LRMDA: variants seen among roughly 807,000 people sequenced by gnomAD.
The protein encoded by LRMDA is leucine rich melanocyte differentiation associated, also known as leucine-rich melanocyte differentiation-associated protein.
A neutral mutation model predicts 29.8 loss-of-function variants in LRMDA; 18 were observed. The ratio of observed to expected loss-of-function variants is 0.60; its 90% CI spans 0.42 to 0.90. The LOEUF (loss-of-function observed/expected upper bound fraction) is 0.90, where lower values mean the gene tolerates loss of function less well. Ranked by LOEUF, LRMDA falls within the 40% of genes least tolerant of loss-of-function variation. LRMDA has a pLI of 0.00. For missense variants in LRMDA, 273 were observed against 273.9 expected (o/e 1.00, Z 0.02); for synonymous variants, 125 against 109.4 (o/e 1.14, Z -0.89).
intron 2 of LRMDA, among the ~76,000 whole-genome samples, chr10:75,574,252 C>G (rs542996611): frequency 6.6e-6 from 1 of 152,118 alleles, no homozygotes; most frequent in Non-Finnish European, 1.5e-5. Flanking sequence ...GTCTTCTTTT[C>G]CCACTTACTT....
At chr10:75,510,825 T>G (rs1845216983) in intron 2 of LRMDA, among the ~76,000 whole-genome samples, 1 of 152,062 alleles carries the variant, frequency 6.6e-6, no homozygotes, top group Non-Finnish European at 1.5e-5. Context: ...GCTGGCCTAG[T>G]CCCTGAGGCA....
Position 75,713,157 on chromosome 10 carries a change from A to G in LRMDA, c.131+274663A>G, listed in dbSNP as rs539683953. Among the ~76,000 whole-genome samples, 8 of 152,292 alleles carry G rather than the reference A, an allele frequency of 5.3e-5. No homozygotes were observed. The South Asian group carries it at 1.7e-3, about 32-fold the overall frequency. ...AGTGACTCAATATTTAATCTGTAAC[A>G]TTTTACTTTAAGGTAGGAGATGTGT... On this transcript the variant is annotated intron_variant, in intron 2 of 6. Coordinates refer to ENST00000611255, the MANE Select transcript of LRMDA (RefSeq NM_001305581.2).
intron 6 of LRMDA, among the ~76,000 whole-genome samples, chr10:76,394,446 T>C (rs1009501231): frequency 2.6e-5 from 4 of 152,186 alleles, no homozygotes; most frequent in African/African-American, 9.7e-5. Flanking sequence ...AAGATGAAAA[T>C]TGACCTTATA....
In LRMDA at chr10:76,301,224, A is replaced by G. The variant is rs1364692455; in HGVS notation, c.517-23177A>G. 2.0e-5 allele frequency among the ~76,000 whole-genome samples: 3 copies of G among 152,246 alleles called. No individual in the cohort carries two copies. In the East Asian group the frequency reaches 5.8e-4, roughly 29 times the overall value. On this transcript the variant is annotated intron_variant, in intron 5 of 6. Transcript: ENST00000611255. ...AGTTACCATTATCCTTGTCAGTGAA[A>G]TTAGAGCATGTTTCTAATCAGTATC...
At chr10:76,227,051 C>T (rs1446826332) in intron 5 of LRMDA, among the ~76,000 whole-genome samples, 2 of 152,222 alleles carry the variant, frequency 1.3e-5, no homozygotes, top group African/African-American at 4.8e-5. Flanking sequence ...CAAAGTGCCT[C>T]TACCTGTTAT....
Position 76,363,218 on chromosome 10 carries a change from A to T in LRMDA, c.601+38733A>T, listed in dbSNP as rs796524517. Among the ~76,000 whole-genome samples, 2 of 12,438 alleles carry T rather than the reference A, an allele frequency of 1.6e-4. 1 individual carries two copies. The allele number at this position is 12,438 out of a possible 152,430, so 8.2% of individuals were successfully genotyped here. A position where few individuals can be genotyped will look rare whatever the true frequency, so the allele number is the denominator to read the frequency against. ...GGAGGGAGGGAGGGAGGGAAGGAAG[A>T]GAAAGAAAGAAAGAAAGAAAGAAAG... On this transcript the variant is annotated intron_variant, in intron 6 of 6. Transcript: ENST00000611255.
intron 6 of LRMDA, among the ~76,000 whole-genome samples, chr10:76,401,304 A>C (rs1252940963): frequency 6.6e-6 from 1 of 152,176 alleles, no homozygotes; most frequent in Non-Finnish European, 1.5e-5. Flanking sequence ...TTGTGGAACT[A>C]TTCGTTTATT....
At chr10:75,504,124 C>T (rs936734055) in intron 2 of LRMDA, among the ~76,000 whole-genome samples, 3 of 151,690 alleles carry the variant, frequency 2.0e-5, no homozygotes, top group Non-Finnish European at 2.9e-5. Context: ...TCAGGTGATC[C>T]TCCCACCTCA....
chr10:75,772,866 G>A (rs1843260773), intron 2 of LRMDA, among the ~76,000 whole-genome samples: 1 of 92,680 alleles, frequency 1.1e-5, no homozygotes, highest in African/African-American at 3.4e-5. Flanking sequence ...GGGGGGGGTG[G>A]GATGGGGGGG....
chr10:76,549,804 T>C (rs1843472207), intron 6 of LRMDA, among the ~76,000 whole-genome samples: 1 of 152,242 alleles, frequency 6.6e-6, no homozygotes, highest in African/African-American at 2.4e-5. Flanking sequence ...TTATATCTTG[T>C]TGATATATTG....
intron 2 of LRMDA, among the ~76,000 whole-genome samples, chr10:75,857,423 C>G (rs1352607663): frequency 6.6e-6 from 1 of 152,150 alleles, no homozygotes; most frequent in Non-Finnish European, 1.5e-5. Flanking sequence ...GAGGGAAAAC[C>G]TCTCCCCCTA....
intron 5 of LRMDA, among the ~76,000 whole-genome samples, chr10:76,239,065 G>A (rs1408431396): frequency 6.6e-6 from 1 of 152,168 alleles, no homozygotes; most frequent in East Asian, 1.9e-4. Flanking sequence ...AAATTTTCCT[G>A]CCTCATGCCT....
At chr10:75,661,004 G>C (rs962651605) in intron 2 of LRMDA, among the ~76,000 whole-genome samples, 4 of 152,044 alleles carry the variant, frequency 2.6e-5, no homozygotes, top group African/African-American at 9.7e-5. Flanking sequence ...AACGCCAGCG[G>C]GACAGAGCCA....
At chr10:76,365,553 A>C (rs1197525868) in intron 6 of LRMDA, among the ~76,000 whole-genome samples, 1 of 152,042 alleles carries the variant, frequency 6.6e-6, no homozygotes, top group Non-Finnish European at 1.5e-5. Flanking sequence ...TCTTCTTTTG[A>C]GACTTGTCTA....
At chr10:75,437,777 AG>A (rs1447575124) in intron 1 of LRMDA, among the ~76,000 whole-genome samples, 2 of 152,208 alleles carry the variant, frequency 1.3e-5, no homozygotes, top group Non-Finnish European at 2.9e-5. Context: ...GGGCCTCTGG[AG>A]GAGGGACATT....
intron 6 of LRMDA, among the ~76,000 whole-genome samples, chr10:76,340,864 G>A (rs1424873589): frequency 1.3e-5 from 2 of 152,128 alleles, no homozygotes; most frequent in Non-Finnish European, 1.5e-5. Flanking sequence ...AACTTTTTCT[G>A]TTAAGGAGCA....
chr10:75,835,923 G>C (rs1401302172), intron 2 of LRMDA, among the ~76,000 whole-genome samples: 1 of 152,192 alleles, frequency 6.6e-6, no homozygotes, highest in Non-Finnish European at 1.5e-5. Context: ...TTAGTTTACT[G>C]TTGTTGTTCT....
At chr10:75,876,379 A>G (rs1845198733) in intron 2 of LRMDA, among the ~76,000 whole-genome samples, 1 of 152,174 alleles carries the variant, frequency 6.6e-6, no homozygotes, top group South Asian at 2.1e-4. Flanking sequence ...GGAGAAGGGG[A>G]CAGTAGTGGA....
In LRMDA at chr10:76,003,885, C is replaced by T. The variant is rs540174565; in HGVS notation, c.132-32123C>T. 1.2e-4 allele frequency among the ~76,000 whole-genome samples: 19 copies of T among 152,208 alleles called. No homozygotes were observed. In the South Asian group the frequency reaches 3.1e-3, roughly 25 times the overall value. On this transcript the variant is annotated intron_variant, in intron 2 of 6. Transcript: ENST00000611255. ...CTTAATCTTATGTGGCTCATGGTAC[C>T]GCTAGGCAGTGCTTGGTATCAGATG... is the stretch of plus-strand genomic sequence containing the variant.
Sources: gnomAD v4.1 joint callset for allele counts (sites outside exome capture counted in the v4.1 genomes callset) on GRCh38, gnomAD v4.1.1 for gene constraint, MANE v1.5 for transcripts, NCBI Gene and HGNC (gene_info 2026-07-23, HGNC 2026-07-21) for gene names.